Variants in MAP3K9 observed in about 807,000 individuals in gnomAD.
The protein encoded by MAP3K9 is mixed lineage kinase 1 (tyr and ser/thr specificity).
In MAP3K9, 46 loss-of-function variants were observed where a neutral mutation model predicts 95.8. That is an observed-to-expected ratio of 0.48 (90% CI 0.38 to 0.61). MAP3K9 has a LOEUF of 0.61. Among genes scored for constraint, MAP3K9 ranks in the 20% least tolerant of loss-of-function variants. The probability of loss-of-function intolerance (pLI) is 0.00; values close to 1 mark genes in which losing one functional copy is unlikely to be tolerated. For missense variants in MAP3K9, 1,296 were observed against 1,474.3 expected (o/e 0.88, Z 1.98); for synonymous variants, 533 against 593.8 (o/e 0.90, Z 1.49).
At chr14:70,756,433 C>T (rs1157557137) in intron 3 of MAP3K9, among the ~76,000 whole-genome samples, 1 of 152,202 alleles carries the variant, frequency 6.6e-6, no homozygotes, top group Admixed American at 6.5e-5. Flanking sequence ...TTGAGTGTGA[C>T]AAGTGGCTGC....
At chr14:70,772,628 T>C (rs547967666) in intron 2 of MAP3K9, among the ~76,000 whole-genome samples, 2 of 152,236 alleles carry the variant, frequency 1.3e-5, no homozygotes, top group South Asian at 2.1e-4. Flanking sequence ...GAAGCTACAG[T>C]AATGATTTCC....
chr14:70,739,737 C>T lies in MAP3K9; in HGVS notation c.1690+305G>A, dbSNP rs1479645978. On this transcript the variant is annotated intron_variant, in intron 7 of 11. Coordinates refer to ENST00000554752, the MANE Select transcript of MAP3K9 (RefSeq NM_001284230.2). ...GTTAGGTTCTCAGGCCAGGTAGCAA[C>T]CTGTATCCACATCACACACCAGTTT... Among the ~76,000 whole-genome samples, 3 of 152,248 alleles carry T rather than the reference C, an allele frequency of 2.0e-5. No individual in the cohort carries two copies. In the East Asian group the frequency reaches 5.8e-4, roughly 29 times the overall value.
At chr14:70,765,055 G>A (rs1262682668) in intron 2 of MAP3K9, among the ~76,000 whole-genome samples, 4 of 152,066 alleles carry the variant, frequency 2.6e-5, no homozygotes, top group Admixed American at 6.6e-5. Context: ...TCAGCTGGGC[G>A]CCATGGCTCA....
intron 3 of MAP3K9, among the ~76,000 whole-genome samples, chr14:70,754,693 G>C (rs1018038513): frequency 6.6e-6 from 1 of 152,018 alleles, no homozygotes. Context: ...GGATGGTCTC[G>C]ATCTCCTGAC....
At chr14:70,734,128 T>A (rs2053951648) in intron 10 of MAP3K9, among the ~76,000 whole-genome samples, 1 of 152,244 alleles carries the variant, frequency 6.6e-6, no homozygotes. Flanking sequence ...TTTGTAACTG[T>A]GTGAGACAAT....
intron 2 of MAP3K9, among the ~76,000 whole-genome samples, chr14:70,798,480 T>C (rs889577405): frequency 7.8e-6 from 1 of 128,542 alleles, no homozygotes; most frequent in Non-Finnish European, 1.7e-5. Flanking sequence ...AGTTTTTTTT[T>C]TTTTTTTTTT....
At position 70,729,310 on chromosome 14, in the gene MAP3K9, T is replaced by C. The variant is rs531882043; in HGVS notation, c.*1070A>G. On this transcript the variant is annotated 3_prime_UTR_variant, in exon 12 of 12. Coordinates refer to ENST00000554752, the MANE Select transcript of MAP3K9 (RefSeq NM_001284230.2). ...GAATTCCCAAGTCCCAATGTCCAGG[T>C]GGCCATATGGTATTCTGCTTCATAG... The C allele has an allele frequency of 1.4e-4, 22 of 152,318 alleles. No individual in the cohort carries two copies. In the East Asian group the frequency reaches 4.2e-3, roughly 29 times the overall value. The allele number at this position is 152,318 out of a possible 1,614,324, so 9.4% of individuals were successfully genotyped here.
chr14:70,791,500 C>G (rs996925036), intron 2 of MAP3K9, among the ~76,000 whole-genome samples: 1 of 152,214 alleles, frequency 6.6e-6, no homozygotes, highest in African/African-American at 2.4e-5. Context: ...ATCCATTCCC[C>G]TTACGAATCC....
Position 70,730,794 on chromosome 14 carries a change from G to A in MAP3K9, c.2901C>T (p.Val967=). ...TCCAGCGCCTTGGGGTTGGGGGGAA[G>A]ACCACATTGGGGTCAGGGAGACGGG... is the stretch of plus-strand genomic sequence containing the variant. The part of the protein sequence containing the change: ...EFPRLPDPNV[V]FPPTPRRWNT... The change falls in exon 12 of 12, where the codon GTC becomes GTT. Residue 967 remains valine, a synonymous_variant. Coordinates refer to ENST00000554752, the MANE Select transcript of MAP3K9 (RefSeq NM_001284230.2). 2 of 1,613,330 alleles carry A rather than the reference G, an allele frequency of 1.2e-6. No individual in the cohort carries two copies. The highest frequency in any genetic ancestry group is 1.7e-6 in the Non-Finnish European group (2 of 1,179,960).
At chr14:70,762,521 G>A (rs12886990) in intron 2 of MAP3K9, among the ~76,000 whole-genome samples, 46,273 of 152,008 alleles carry the variant, frequency 0.3, 7,233 homozygotes, top group Admixed American at 0.35. Context: ...ATCTTCTCAT[G>A]AGTTTGTTGT....
At chr14:70,773,792 C>T (rs1042146236) in intron 2 of MAP3K9, among the ~76,000 whole-genome samples, 4 of 152,208 alleles carry the variant, frequency 2.6e-5, no homozygotes, top group African/African-American at 9.7e-5. Context: ...GGAGGTAAGG[C>T]TCATGGAACA....
intron 2 of MAP3K9, 32 bp from the exon 3 acceptor site, chr14:70,761,214 G>C (rs376679606): frequency 6.5e-7 from 1 of 1,549,774 alleles, no homozygotes; most frequent in African/African-American, 1.4e-5. Context: ...GAAGAAACCA[G>C]AGTCTGCATT....
At chr14:70,765,311 C>T (rs575308294) in intron 2 of MAP3K9, 5 of 395,592 alleles carry the variant, frequency 1.3e-5, no homozygotes, top group African/African-American at 1.0e-4. Flanking sequence ...GCCTGGGTGA[C>T]AGAGTGAGAC....
intron 6 of MAP3K9, among the ~76,000 whole-genome samples, chr14:70,741,049 A>C (rs1475328862): frequency 2.0e-5 from 3 of 151,838 alleles, no homozygotes; most frequent in Non-Finnish European, 4.4e-5. Flanking sequence ...AGTGCTTAAC[A>C]TCATCTACTC....
At position 70,754,421 on chromosome 14, in the gene MAP3K9, A is replaced by G. The variant is rs190614953; in HGVS notation, c.1002-4340T>C. The stretch of plus-strand genomic sequence containing the variant: ...GGGTTCAGGGTGATTTTCTTTCCCT[A>G]TCTTTTCTTTCTTGTTTACCCATAT... On this transcript the variant is annotated intron_variant, in intron 3 of 11. Coordinates refer to ENST00000554752, the MANE Select transcript of MAP3K9 (RefSeq NM_001284230.2). Among the ~76,000 whole-genome samples, 8 of 152,206 alleles carry G rather than the reference A, an allele frequency of 5.3e-5. 1 individual carries two copies. The East Asian group carries it at 1.5e-3, about 29-fold the overall frequency.
intron 2 of MAP3K9, among the ~76,000 whole-genome samples, chr14:70,797,094 G>A (rs1041428254): frequency 6.6e-5 from 10 of 152,076 alleles, no homozygotes; most frequent in African/African-American, 2.2e-4. Context: ...ACTTTTTACT[G>A]AACCTTTCTA....
intron 2 of MAP3K9, among the ~76,000 whole-genome samples, chr14:70,774,983 CAAAAAAAAAAAAAAAAAAA>C (rs60144338): frequency 1.8e-5 from 1 of 55,096 alleles, no homozygotes; most frequent in Non-Finnish European, 3.0e-5. Context: ...ACTCTGTCCC[CAAAAAAAAAAAAAAAAAAA>C]AAAAAAAAAA....
chr14:70,775,388 A>T (rs2054584722), intron 2 of MAP3K9, among the ~76,000 whole-genome samples: 1 of 152,204 alleles, frequency 6.6e-6, no homozygotes, highest in African/African-American at 2.4e-5. Context: ...TCTGGCTTCT[A>T]GGCCTATGCT....
At chr14:70,750,118 C>T (rs1265744685) in intron 3 of MAP3K9, 37 bp from the exon 4 acceptor site, 3 of 1,603,852 alleles carry the variant, frequency 1.9e-6, no homozygotes, top group Middle Eastern at 1.6e-4. Flanking sequence ...ATGTAATAAA[C>T]TTCAGGTACA....
Sources: gnomAD v4.1 joint callset for allele counts (sites outside exome capture counted in the v4.1 genomes callset) on GRCh38, gnomAD v4.1.1 for gene constraint, MANE v1.5 for transcripts, NCBI Gene and HGNC (gene_info 2026-07-23, HGNC 2026-07-21) for gene names.